HIPK3: variants seen among roughly 807,000 people sequenced by gnomAD.
The protein encoded by HIPK3 is homeodomain interacting protein kinase 3.
Under a neutral mutation model 124.2 loss-of-function variants are expected in HIPK3, and 47 were observed. That is an observed-to-expected ratio of 0.38 (90% CI 0.30 to 0.48). HIPK3 has a LOEUF of 0.48. Ranked by LOEUF, HIPK3 falls within the 20% of genes least tolerant of loss-of-function variation. HIPK3 has a pLI of 0.98. For synonymous variants in HIPK3, 482 were observed against 515.2 expected (o/e 0.94, Z 0.87); for missense variants, 1,286 against 1,454.3 (o/e 0.88, Z 1.88).
chr11:33,315,942 T>C (rs964813369), intron 2 of HIPK3, among the ~76,000 whole-genome samples: 4 of 152,208 alleles, frequency 2.6e-5, no homozygotes, highest in African/African-American at 9.6e-5. Flanking sequence ...TAAGGATATT[T>C]TTAACTGTGA....
At chr11:33,320,573 T>C (rs1242686619) in intron 2 of HIPK3, among the ~76,000 whole-genome samples, 2 of 152,128 alleles carry the variant, frequency 1.3e-5, no homozygotes, top group Non-Finnish European at 2.9e-5. Flanking sequence ...GTAATCCAGA[T>C]GAGAGGTGAT....
chr11:33,264,010 A>G (rs1004694847), intron 1 of HIPK3, among the ~76,000 whole-genome samples: 3 of 152,252 alleles, frequency 2.0e-5, no homozygotes, highest in African/African-American at 7.2e-5. Flanking sequence ...AAATAAAACT[A>G]AGATACATCA....
chr11:33,316,049 T>G (rs1852491516), intron 2 of HIPK3, among the ~76,000 whole-genome samples: 1 of 152,198 alleles, frequency 6.6e-6, no homozygotes. Flanking sequence ...CATGGATAGT[T>G]GCGGTTATAG....
Position 33,356,644 on chromosome 11 carries a change from A to T in HIPK3, c.*3076A>T, listed in dbSNP as rs1290404796. On this transcript the variant is annotated 3_prime_UTR_variant, in exon 17 of 17. Transcript: ENST00000303296. ...ATCATACACTGCAAGGTGTAGGAAG[A>T]TTTGTTTTAATGAATCCAATGATAC... is the stretch of plus-strand genomic sequence containing the variant. 6.6e-5 allele frequency: 10 copies of T among 152,068 alleles called. No individual in the cohort carries two copies. The allele number at this position is 152,068 out of a possible 1,614,324, so 9.4% of individuals were successfully genotyped here.
intron 4 of HIPK3, among the ~76,000 whole-genome samples, chr11:33,338,519 G>T (rs553556402): frequency 1.3e-5 from 2 of 152,248 alleles, no homozygotes; most frequent in East Asian, 1.9e-4. Context: ...AGCGTGAGCC[G>T]CCGTGCCCGG....
At chr11:33,308,593 T>A (rs1852232158) in intron 2 of HIPK3, among the ~76,000 whole-genome samples, 1 of 147,598 alleles carries the variant, frequency 6.8e-6, no homozygotes, top group Non-Finnish European at 1.5e-5. Context: ...AAGCACTTGA[T>A]CTACAGGTGT....
chr11:33,328,415 C>G (rs1221760852), intron 2 of HIPK3, 95 bp from the exon 3 acceptor site: 4 of 1,195,576 alleles, frequency 3.3e-6, no homozygotes, highest in Non-Finnish European at 4.8e-6. Flanking sequence ...GAATGTGATA[C>G]CTCTGTCATT....
At chr11:33,333,335 T>G (rs1258431463) in intron 3 of HIPK3, among the ~76,000 whole-genome samples, 3 of 152,216 alleles carry the variant, frequency 2.0e-5, no homozygotes, top group Non-Finnish European at 2.9e-5. Context: ...AGTGCCTTTG[T>G]CTATTCTGAT....
intron 3 of HIPK3, 40 bp downstream of exon 3, chr11:33,328,673 AAAG>A (rs768752222): frequency 1.9e-6 from 3 of 1,584,394 alleles, no homozygotes; most frequent in East Asian, 4.5e-5. Context: ...GGTAAAAAGT[AAAG>A]AATAATAACA....
At chr11:33,343,943 A>G (rs528380208) in intron 8 of HIPK3, among the ~76,000 whole-genome samples, 1 of 152,340 alleles carries the variant, frequency 6.6e-6, no homozygotes, top group East Asian at 1.9e-4. Context: ...GGTAATAAAA[A>G]TGCCCACATC....
At chr11:33,279,272 G>A (rs1205457203) in intron 1 of HIPK3, among the ~76,000 whole-genome samples, 3 of 140,082 alleles carry the variant, frequency 2.1e-5, no homozygotes, top group South Asian at 2.2e-4. Context: ...CTGTGATCAC[G>A]CTACTGCACT....
At chr11:33,278,660 TG>T (rs1414296241) in intron 1 of HIPK3, among the ~76,000 whole-genome samples, 1 of 152,076 alleles carries the variant, frequency 6.6e-6, no homozygotes, top group South Asian at 2.1e-4. Context: ...CTGGCTAACA[TG>T]GTGAAACTCC....
rs182968568 is a variant in HIPK3, at chr11:33,278,688, C to T, written c.-2-7725C>T. The stretch of plus-strand genomic sequence containing the variant: ...TGAAACTCCGTCTCTACTAAAAATA[C>T]GAAAAATTAGCCGGGCGTGGTGGTG... On this transcript the variant is annotated intron_variant, in intron 1 of 16. Transcript: ENST00000303296. Among the ~76,000 whole-genome samples, 16 of 151,978 alleles carry T rather than the reference C, an allele frequency of 1.1e-4. No individual in the cohort carries two copies. In the East Asian group the frequency reaches 1.6e-3, roughly 15 times the overall value.
chr11:33,290,638 G>A (rs1367301837), intron 2 of HIPK3, among the ~76,000 whole-genome samples: 1 of 121,016 alleles, frequency 8.3e-6, no homozygotes, highest in Non-Finnish European at 1.7e-5. Context: ...AAAAAAAAAA[G>A]TCTTTTTTTT....
intron 3 of HIPK3, among the ~76,000 whole-genome samples, chr11:33,330,728 TTTAA>T (rs1410376931): frequency 6.6e-6 from 1 of 152,214 alleles, no homozygotes; most frequent in Non-Finnish European, 1.5e-5. Flanking sequence ...AATCTGGGAC[TTTAA>T]GCTCATTTTC....
chr11:33,352,094 A>G (rs1249566084), intron 15 of HIPK3, 44 bp from the exon 16 acceptor site: 2 of 1,565,868 alleles, frequency 1.3e-6, no homozygotes, highest in Non-Finnish European at 8.7e-7. Flanking sequence ...TTTTTATTTG[A>G]AAAGGAAAAA....
At chr11:33,335,042 G>GAGGT (rs1310625327) in intron 3 of HIPK3, among the ~76,000 whole-genome samples, 1 of 152,170 alleles carries the variant, frequency 6.6e-6, no homozygotes, top group African/African-American at 2.4e-5. Context: ...TGATGAGGAA[G>GAGGT]AGGTACAGGG....
chr11:33,259,083 T>TACAAAATACAAAAAG (rs1850756175), intron 1 of HIPK3, among the ~76,000 whole-genome samples: 1 of 152,160 alleles, frequency 6.6e-6, no homozygotes, highest in African/African-American at 2.4e-5. Context: ...TGCTGACACT[T>TACAAAATACAAAAAG]TTTCCCTTTT....
At chr11:33,327,115 T>A (rs552639456) in intron 2 of HIPK3, among the ~76,000 whole-genome samples, 1 of 152,298 alleles carries the variant, frequency 6.6e-6, no homozygotes, top group East Asian at 1.9e-4. Flanking sequence ...AAATGGATTA[T>A]TTATATAGTT....
Sources: gnomAD v4.1 joint callset for allele counts (sites outside exome capture counted in the v4.1 genomes callset) on GRCh38, gnomAD v4.1.1 for gene constraint, MANE v1.5 for transcripts, NCBI Gene and HGNC (gene_info 2026-07-23, HGNC 2026-07-21) for gene names.